Variants in SEMA3D observed in about 807,000 individuals in gnomAD.
The protein encoded by SEMA3D is semaphorin-3D.
Under a neutral mutation model 100.1 loss-of-function variants are expected in SEMA3D, and 84 were observed. The observed-to-expected ratio is 0.84, with a 90% CI of 0.70 to 1.01. The LOEUF (loss-of-function observed/expected upper bound fraction) is 1.01, where lower values mean the gene tolerates loss of function less well. Among genes scored for constraint, SEMA3D ranks in the 50% least tolerant of loss-of-function variants. The probability of loss-of-function intolerance (pLI) is 0.00; values close to 1 mark genes in which losing one functional copy is unlikely to be tolerated. For missense variants in SEMA3D, 875 were observed against 934.1 expected (o/e 0.94, Z 0.82); for synonymous variants, 312 against 320.7 (o/e 0.97, Z 0.29).
In SEMA3D at chr7:85,107,799, G is replaced by T. The variant is rs547632025; in HGVS notation, c.152-9834C>A. On this transcript the variant is annotated intron_variant, in intron 3 of 18. Coordinates refer to ENST00000284136, the MANE Select transcript of SEMA3D (RefSeq NM_001384900.1). ...ATCCAGCTAAATTTAAAGCCTTATA[G>T]ATTTTATCAAGCAAGTTTTCTATTC... is the stretch of plus-strand genomic sequence containing the variant. Among the ~76,000 whole-genome samples the T allele has an allele frequency of 9.9e-5, 15 of 152,020 alleles. 1 individual carries two copies. The South Asian group carries it at 3.1e-3, about 32-fold the overall frequency.
chr7:85,198,743 T>A, the SEMA3D span, among the ~76,000 whole-genome samples: 2 of 151,510 alleles, frequency 1.3e-5, no homozygotes, highest in African/African-American at 4.8e-5. Flanking sequence ...TTTAATTGTT[T>A]TTAAAGTTTT....
intron 2 of SEMA3D, among the ~76,000 whole-genome samples, chr7:85,135,646 T>C (rs554378916): frequency 6.1e-4 from 89 of 146,078 alleles, no homozygotes; most frequent in African/African-American, 2.2e-3. Flanking sequence ...CCTAGAACTT[T>C]AAGTATAATA....
the SEMA3D span, among the ~76,000 whole-genome samples, chr7:85,240,316 T>C: frequency 3.9e-5 from 6 of 152,184 alleles, no homozygotes; most frequent in Non-Finnish European, 5.9e-5. Flanking sequence ...GATTTTCCAA[T>C]GTTGAACCAG....
chr7:85,044,777 A>C (rs1790960755), intron 9 of SEMA3D, among the ~76,000 whole-genome samples: 2 of 152,222 alleles, frequency 1.3e-5, no homozygotes, highest in Non-Finnish European at 2.9e-5. Context: ...AGACTCTTTT[A>C]TGATTAGCAT....
intron 2 of SEMA3D, chr7:85,144,355 T>C: frequency 2.0e-6 from 1 of 511,716 alleles, no homozygotes. Flanking sequence ...ATTTATTAAA[T>C]TTAAATTAAT....
chr7:85,045,254 A>G (rs1050785246), intron 9 of SEMA3D, among the ~76,000 whole-genome samples: 1 of 152,042 alleles, frequency 6.6e-6, no homozygotes, highest in African/African-American at 2.4e-5. Flanking sequence ...GACTGAGATC[A>G]ATTAAAATAG....
intron 2 of SEMA3D, among the ~76,000 whole-genome samples, chr7:85,129,719 G>A (rs553755978): frequency 9.9e-5 from 15 of 152,118 alleles, no homozygotes; most frequent in Admixed American, 5.3e-4. Flanking sequence ...ATTAAATTAC[G>A]TTTTTGGATG....
intron 12 of SEMA3D, among the ~76,000 whole-genome samples, chr7:85,035,933 A>T (rs1215481281): frequency 1.3e-5 from 2 of 152,112 alleles, no homozygotes; most frequent in African/African-American, 4.8e-5. Flanking sequence ...TCCCAAATTT[A>T]ATTAAGTTAT....
In SEMA3D at chr7:85,116,258, T is replaced by TAA. The variant is rs1431796240; in HGVS notation, c.151+5481_151+5482dup. Among the ~76,000 whole-genome samples the TAA allele has an allele frequency of 2.0e-5, 3 of 147,464 alleles. No homozygotes were observed. The East Asian group carries it at 5.9e-4, about 29-fold the overall frequency. Reference sequence around the variant, plus strand: ...TACATACCTATATAAATTGTATATATAATTGCATATGTATACAATTGTATA... The same window carrying TAA: ...TACATACCTATATAAATTGTATATATAAAATTGCATATGTATACAATTGTATA... On this transcript the variant is annotated intron_variant, in intron 3 of 18. Coordinates refer to ENST00000284136, the MANE Select transcript of SEMA3D (RefSeq NM_001384900.1).
the SEMA3D span, among the ~76,000 whole-genome samples, chr7:85,195,081 A>G: frequency 6.6e-6 from 1 of 152,080 alleles, no homozygotes; most frequent in African/African-American, 2.4e-5. Context: ...GTTTAGAGAC[A>G]TTTTCTTTCT....
intron 1 of SEMA3D, among the ~76,000 whole-genome samples, chr7:85,159,032 C>A (rs990119089): frequency 3.3e-5 from 5 of 152,122 alleles, no homozygotes; most frequent in Non-Finnish European, 7.4e-5. Flanking sequence ...ACTCTCTTTA[C>A]CATCACCTCA....
At chr7:85,012,964 A>G in intron 16 of SEMA3D, 118 bp from the exon 17 acceptor site, 1 of 706,710 alleles carries the variant, frequency 1.4e-6, no homozygotes, top group Non-Finnish European at 2.4e-6. Context: ...TTACAGTTCA[A>G]CTTAAATGCA....
intron 2 of SEMA3D, among the ~76,000 whole-genome samples, chr7:85,138,519 TTAC>T (rs1346805076): frequency 6.6e-6 from 1 of 151,010 alleles, no homozygotes; most frequent in Non-Finnish European, 1.5e-5. Context: ...TATAAAACAT[TTAC>T]ATAACTCAAA....
At chr7:85,116,366 T>G (rs1335858090) in intron 3 of SEMA3D, among the ~76,000 whole-genome samples, 2 of 146,390 alleles carry the variant, frequency 1.4e-5, no homozygotes, top group Non-Finnish European at 3.0e-5. Context: ...TATAATATAT[T>G]TATATATATT....
At chr7:85,146,631 A>C (rs1790214042) in intron 2 of SEMA3D, among the ~76,000 whole-genome samples, 1 of 152,002 alleles carries the variant, frequency 6.6e-6, no homozygotes, top group Non-Finnish European at 1.5e-5. Flanking sequence ...AAAAGAAATA[A>C]GTCATATTTT....
At chr7:85,033,117 A>G (rs1257030768) in intron 12 of SEMA3D, among the ~76,000 whole-genome samples, 3 of 152,170 alleles carry the variant, frequency 2.0e-5, no homozygotes, top group African/African-American at 7.2e-5. Flanking sequence ...AAGTTGTTAG[A>G]AAGTAAAAAT....
At chr7:85,073,914 A>C (rs1791847499) in intron 5 of SEMA3D, among the ~76,000 whole-genome samples, 1 of 152,136 alleles carries the variant, frequency 6.6e-6, no homozygotes, top group South Asian at 2.1e-4. Context: ...ATATTTCTTT[A>C]TGTCATCATT....
intron 4 of SEMA3D, among the ~76,000 whole-genome samples, chr7:85,096,871 A>T (rs192331102): frequency 1.8e-3 from 273 of 151,962 alleles, no homozygotes; most frequent in Non-Finnish European, 3.3e-3. Flanking sequence ...AAGTCCTAGG[A>T]TGGCCTATAA....
At chr7:85,206,552 C>T in the SEMA3D span, among the ~76,000 whole-genome samples, 5 of 152,050 alleles carry the variant, frequency 3.3e-5, no homozygotes, top group Admixed American at 3.3e-4. Flanking sequence ...AAGAGACAGC[C>T]AAGGCATTTG....
Sources: gnomAD v4.1 joint callset for allele counts (sites outside exome capture counted in the v4.1 genomes callset) on GRCh38, gnomAD v4.1.1 for gene constraint, MANE v1.5 for transcripts, NCBI Gene and HGNC (gene_info 2026-07-23, HGNC 2026-07-21) for gene names.